The following SMYD3 variants were observed in gnomAD, a reference collection of about 807,000 sequenced individuals.
SMYD3 encodes the protein SET and MYND domain containing 3.
Under a neutral mutation model 57.7 loss-of-function variants are expected in SMYD3, and 36 were observed. The observed-to-expected ratio is 0.62, with a 90% CI of 0.48 to 0.82. The LOEUF (loss-of-function observed/expected upper bound fraction) is 0.82, where lower values mean the gene tolerates loss of function less well. Ranked by LOEUF, SMYD3 falls within the 40% of genes least tolerant of loss-of-function variation. SMYD3 has a pLI of 0.00. For synonymous variants in SMYD3, 211 were observed against 195.0 expected, an observed-to-expected ratio of 1.08 and a Z score of -0.68; for missense variants, 515 against 538.8, an observed-to-expected ratio of 0.96 and a Z score of 0.44.
chr1:246,231,758 A>G (rs1249098171), intron 5 of SMYD3, among the ~76,000 whole-genome samples: 3 of 152,190 alleles, frequency 2.0e-5, no homozygotes, highest in African/African-American at 7.2e-5. Flanking sequence ...TTTGGGTACA[A>G]ATCTGCACAC....
intron 5 of SMYD3, among the ~76,000 whole-genome samples, chr1:245,993,361 G>A (rs1442385676): frequency 6.6e-6 from 1 of 152,132 alleles, no homozygotes; most frequent in Non-Finnish European, 1.5e-5. Flanking sequence ...CAGAGGGTAT[G>A]GAAATGATGC....
At chr1:245,808,196 GC>G (rs1440007214) in intron 10 of SMYD3, among the ~76,000 whole-genome samples, 3 of 152,248 alleles carry the variant, frequency 2.0e-5, no homozygotes, top group African/African-American at 7.2e-5. Flanking sequence ...GCAGATAAAC[GC>G]CCTTGGCTGG....
chr1:246,114,133 A>C (rs1355320995), intron 5 of SMYD3, among the ~76,000 whole-genome samples: 2 of 111,652 alleles, frequency 1.8e-5, no homozygotes, highest in Non-Finnish European at 3.4e-5. Flanking sequence ...GGGCTCTGAC[A>C]GGGGACAGTT....
intron 1 of SMYD3, among the ~76,000 whole-genome samples, chr1:246,404,609 CA>C (rs1438170783): frequency 6.6e-6 from 1 of 152,192 alleles, no homozygotes; most frequent in East Asian, 1.9e-4. Flanking sequence ...AACAAAACTG[CA>C]GCATTTAGAA....
chr1:246,002,135 T>TC (rs2059061339), intron 5 of SMYD3, among the ~76,000 whole-genome samples: 1 of 152,128 alleles, frequency 6.6e-6, no homozygotes, highest in African/African-American at 2.4e-5. Flanking sequence ...GAGAAGCGCA[T>TC]GCCAGTTGTG....
chr1:245,885,406 T>C (rs1290376122), intron 8 of SMYD3, among the ~76,000 whole-genome samples: 1 of 152,218 alleles, frequency 6.6e-6, no homozygotes, highest in Non-Finnish European at 1.5e-5. Flanking sequence ...CATTCACCCC[T>C]GCAAGCTTCC....
At chr1:246,260,626 T>C (rs1279810777) in intron 5 of SMYD3, among the ~76,000 whole-genome samples, 1 of 151,928 alleles carries the variant, frequency 6.6e-6, no homozygotes, top group Non-Finnish European at 1.5e-5. Context: ...AGAGATGGGG[T>C]TTCACCATGT....
At chr1:246,403,695 T>C (rs1016045127) in intron 1 of SMYD3, among the ~76,000 whole-genome samples, 1 of 152,210 alleles carries the variant, frequency 6.6e-6, no homozygotes, top group African/African-American at 2.4e-5. Flanking sequence ...TGGTCTATGC[T>C]ATACCACAGA....
intron 5 of SMYD3, among the ~76,000 whole-genome samples, chr1:246,320,146 T>TA (rs1572375719): frequency 1.3e-5 from 2 of 150,412 alleles, no homozygotes; most frequent in East Asian, 3.9e-4. Context: ...CTTCTCCAAT[T>TA]TAAAAAAAAA....
intron 8 of SMYD3, among the ~76,000 whole-genome samples, chr1:245,907,316 T>G (rs539505385): frequency 6.6e-6 from 1 of 152,180 alleles, no homozygotes; most frequent in South Asian, 2.1e-4. Context: ...TATCAAAACA[T>G]CTCATGTACT....
intron 5 of SMYD3, among the ~76,000 whole-genome samples, chr1:246,097,641 A>C (rs1216143868): frequency 6.6e-6 from 1 of 152,006 alleles, no homozygotes; most frequent in Non-Finnish European, 1.5e-5. Flanking sequence ...CCCAGTTTCC[A>C]ACCAGTACTT....
At chr1:246,101,646 G>C (rs541677289) in intron 5 of SMYD3, among the ~76,000 whole-genome samples, 1 of 152,220 alleles carries the variant, frequency 6.6e-6, no homozygotes, top group African/African-American at 2.4e-5. Flanking sequence ...TGTAAATTAT[G>C]TTCATATGCG....
At chr1:246,291,085 C>A (rs190619671) in intron 5 of SMYD3, among the ~76,000 whole-genome samples, 38 of 151,794 alleles carry the variant, frequency 2.5e-4, no homozygotes, top group African/African-American at 8.9e-4. Flanking sequence ...AAAAACAAAG[C>A]AAAGATTTGA....
chr1:246,330,408 A>C lies in SMYD3; in HGVS notation c.394+72T>G, dbSNP rs772321984. ...AAAGAAACAGAAAAACATAGTTAAA[A>C]ATAAATCCATTCACCAACTCAGCAA... On this transcript the variant is annotated intron_variant, in intron 4 of 11. Transcript: ENST00000490107. The C allele has an allele frequency of 2.4e-6, 3 of 1,240,404 alleles. No individual in the cohort carries two copies. The African/African-American group carries it at 4.6e-5, about 19-fold the overall frequency. 76.8% of individuals were successfully genotyped at this position (1,240,404 alleles called of 1,614,324 possible).
At chr1:245,836,200 A>C (rs533313208) in intron 10 of SMYD3, among the ~76,000 whole-genome samples, 1 of 152,342 alleles carries the variant, frequency 6.6e-6, no homozygotes, top group Admixed American at 6.5e-5. Flanking sequence ...TATAAACAGA[A>C]GCAGGAGCTT....
At position 246,490,936 on chromosome 1, in the gene SMYD3, C is replaced by T. The variant is rs1018461848; in HGVS notation, c.164+16118G>A. On this transcript the variant is annotated intron_variant, in intron 1 of 11. Coordinates refer to ENST00000490107, the MANE Select transcript of SMYD3 (RefSeq NM_001167740.2). ...AACTAAGTAGAGCAAGGAAAGAACA[C>T]GTATTAAGTATGAGTACCTGTTATA... Among the ~76,000 whole-genome samples, 23 of 151,844 alleles carry T rather than the reference C, an allele frequency of 1.5e-4. 1 individual carries two copies. The highest frequency in any genetic ancestry group is 1.3e-3 in the Admixed American group (19 of 15,194).
At chr1:246,372,498 A>T (rs150896739) in intron 1 of SMYD3, among the ~76,000 whole-genome samples, 9 of 152,316 alleles carry the variant, frequency 5.9e-5, no homozygotes, top group African/African-American at 2.2e-4. Context: ...TATTCAGATA[A>T]TCTTACTTCC....
intron 2 of SMYD3, among the ~76,000 whole-genome samples, chr1:246,347,421 C>T (rs1474898109): frequency 2.6e-5 from 4 of 152,092 alleles, no homozygotes; most frequent in African/African-American, 9.7e-5. Flanking sequence ...TTTTAAAATA[C>T]TGAGAGAAGC....
chr1:246,499,680 T>C (rs2068427222), intron 1 of SMYD3, among the ~76,000 whole-genome samples: 1 of 152,098 alleles, frequency 6.6e-6, no homozygotes, highest in South Asian at 2.1e-4. Flanking sequence ...GGTCTCAAAC[T>C]CCTGGGCTCA....
Sources: allele counts gnomAD v4.1 joint callset (sites outside exome capture counted in the v4.1 genomes callset), GRCh38; gene constraint gnomAD v4.1.1; transcripts MANE v1.5; gene names NCBI Gene and HGNC (gene_info 2026-07-23, HGNC 2026-07-21).